The following NAALADL2 variants were observed in gnomAD, a reference collection of about 807,000 sequenced individuals.
NAALADL2 encodes inactive N-acetylated-alpha-linked acidic dipeptidase-like protein 2.
A neutral mutation model predicts 87.2 loss-of-function variants in NAALADL2; 76 were observed. The observed-to-expected ratio is 0.87, with a 90% CI of 0.72 to 1.05. The LOEUF (loss-of-function observed/expected upper bound fraction) is 1.05. Among genes scored for constraint, NAALADL2 ranks in the 50% least tolerant of loss-of-function variants. The pLI is 0.00. For missense variants in NAALADL2, 1,089 were observed against 945.8 expected, an observed-to-expected ratio of 1.15 and a Z score of -1.99; for synonymous variants, 354 against 331.0, an observed-to-expected ratio of 1.07 and a Z score of -0.75.
In NAALADL2 at chr3:174,455,843, T is replaced by A. The variant is rs113063483; in HGVS notation, c.-184+14811T>A. 5.3e-3 allele frequency among the ~76,000 whole-genome samples: 812 copies of A among 152,188 alleles called. 7 individuals carry two copies. Among genetic ancestry groups the A allele is most frequent in the East Asian group, 0.041 (211 of 5,160 alleles). ...AGGATGTTCTCTCTCACCACTCCTATTCAACATAGTATTGGAAGTCCTGGC... is the reference window on the plus strand; with the variant it reads ...AGGATGTTCTCTCTCACCACTCCTAATCAACATAGTATTGGAAGTCCTGGC... On this transcript the variant is annotated intron_variant, in intron 1 of 3. Coordinates refer to the NAALADL2 transcript ENST00000434257.
intron 2 of NAALADL2, among the ~76,000 whole-genome samples, chr3:174,698,300 T>C (rs1198330693): frequency 1.0e-5 from 1 of 95,708 alleles, no homozygotes; most frequent in Non-Finnish European, 1.7e-5. Context: ...GGTGGTAAAC[T>C]CTCATAGATT....
intron 1 of NAALADL2, among the ~76,000 whole-genome samples, chr3:174,469,075 G>A (rs192364377): frequency 2.0e-5 from 3 of 151,894 alleles, no homozygotes; most frequent in African/African-American, 7.2e-5. Flanking sequence ...ACTATATTCT[G>A]TGACCATTAT....
At chr3:175,434,107 T>C (rs942013581) in intron 5 of NAALADL2, among the ~76,000 whole-genome samples, 12 of 152,140 alleles carry the variant, frequency 7.9e-5, no homozygotes, top group African/African-American at 2.2e-4. Context: ...AGGGAATATA[T>C]TGAAATCTTT....
At chr3:175,670,040 G>A (rs1582839519) in intron 11 of NAALADL2, among the ~76,000 whole-genome samples, 2 of 151,876 alleles carry the variant, frequency 1.3e-5, no homozygotes, top group East Asian at 3.9e-4. Flanking sequence ...TGAATATCAG[G>A]AACTATTCAC....
Position 175,410,695 on chromosome 3 carries a change from A to G in NAALADL2, c.1091-36534A>G, listed in dbSNP as rs532198742. 3.3e-5 allele frequency among the ~76,000 whole-genome samples: 5 copies of G among 152,314 alleles called. No homozygotes were observed. The South Asian group carries it at 8.3e-4, about 25-fold the overall frequency. ...GCACATATAGCTGGTAGCCCAACCT[A>G]GACTTTTATGGGAAGTCAAAGTCAG... On this transcript the variant is annotated intron_variant, in intron 5 of 13. Coordinates refer to ENST00000454872, the MANE Select transcript of NAALADL2 (RefSeq NM_207015.3).
chr3:175,448,108 G>C (rs79046723), intron 6 of NAALADL2, among the ~76,000 whole-genome samples: 136 of 152,226 alleles, frequency 8.9e-4, no homozygotes, highest in African/African-American at 3.2e-3. Flanking sequence ...GACAACAAAA[G>C]CATACAAAAA....
intron 4 of NAALADL2, among the ~76,000 whole-genome samples, chr3:175,276,332 G>A (rs1157732694): frequency 2.3e-5 from 3 of 131,436 alleles, no homozygotes; most frequent in Non-Finnish European, 3.1e-5. Flanking sequence ...ACGAAGCCTC[G>A]CTCTGCTGCT....
chr3:175,561,123 TAG>T (rs1489480871), intron 9 of NAALADL2, among the ~76,000 whole-genome samples: 1 of 152,216 alleles, frequency 6.6e-6, no homozygotes, highest in Non-Finnish European at 1.5e-5. Context: ...AAAATTGATA[TAG>T]TATTATAAGT....
At chr3:175,449,518 C>G (rs187255821) in intron 6 of NAALADL2, among the ~76,000 whole-genome samples, 191 of 151,822 alleles carry the variant, frequency 1.3e-3, no homozygotes, top group African/African-American at 4.2e-3. Flanking sequence ...CTCAGCCTCC[C>G]AAGTAGCTGG....
chr3:175,325,001 G>A (rs552808467), intron 5 of NAALADL2, among the ~76,000 whole-genome samples: 53 of 151,882 alleles, frequency 3.5e-4, no homozygotes, highest in Middle Eastern at 3.2e-3. Context: ...TGTCATTGGC[G>A]GATATTCTGT....
At chr3:175,387,678 A>T (rs1170872790) in intron 5 of NAALADL2, among the ~76,000 whole-genome samples, 1 of 152,114 alleles carries the variant, frequency 6.6e-6, no homozygotes, top group Non-Finnish European at 1.5e-5. Context: ...ATACTAAAAG[A>T]ATGATTTGTG....
At chr3:174,889,541 C>G (rs191263572) in intron 1 of NAALADL2, among the ~76,000 whole-genome samples, 1 of 152,112 alleles carries the variant, frequency 6.6e-6, no homozygotes, top group East Asian at 1.9e-4. Context: ...CATTCCCCAT[C>G]CTCACTTCTC....
intron 2 of NAALADL2, among the ~76,000 whole-genome samples, chr3:175,111,617 G>C (rs1178475281): frequency 6.6e-6 from 1 of 151,628 alleles, no homozygotes; most frequent in African/African-American, 2.4e-5. Flanking sequence ...ATTTGCTCCT[G>C]AGTTAGTTGT....
intron 11 of NAALADL2, among the ~76,000 whole-genome samples, chr3:175,661,791 T>C (rs1290364215): frequency 6.6e-6 from 1 of 152,006 alleles, no homozygotes; most frequent in Admixed American, 6.6e-5. Flanking sequence ...TTGTCAAAGA[T>C]GAGTTAGGTG....
intron 1 of NAALADL2, among the ~76,000 whole-genome samples, chr3:175,047,030 C>T (rs1754768042): frequency 6.6e-6 from 1 of 152,068 alleles, no homozygotes; most frequent in Admixed American, 6.6e-5. Context: ...TTACTGTGTC[C>T]TCAGATGGTG....
Position 175,167,388 on chromosome 3 carries a change from T to G in NAALADL2, c.546-66543T>G, listed in dbSNP as rs1734155782. Among the ~76,000 whole-genome samples the G allele has an allele frequency of 2.0e-5, 3 of 152,004 alleles. No homozygotes were observed. In the East Asian group the frequency reaches 5.8e-4, roughly 29 times the overall value. On this transcript the variant is annotated intron_variant, in intron 2 of 13. Transcript: ENST00000454872. ...ACTTCTGACTACATATAAAAGAAAA[T>G]CCAAATGTGTGGCTTCCAAAGCAAT...
At chr3:175,314,120 C>A (rs547282367) in intron 4 of NAALADL2, among the ~76,000 whole-genome samples, 1 of 150,320 alleles carries the variant, frequency 6.7e-6, no homozygotes, top group East Asian at 2.0e-4. Context: ...TTCTCTCTTA[C>A]CTTCTCTGGC....
At chr3:175,684,324 C>T (rs1735987424) in intron 11 of NAALADL2, among the ~76,000 whole-genome samples, 1 of 152,022 alleles carries the variant, frequency 6.6e-6, no homozygotes, top group Non-Finnish European at 1.5e-5. Flanking sequence ...TATAGTTAAG[C>T]TATTTTTAAC....
intron 1 of NAALADL2, among the ~76,000 whole-genome samples, chr3:174,961,260 A>G (rs1262602176): frequency 4.0e-5 from 6 of 151,412 alleles, no homozygotes. Context: ...CACTGGGATT[A>G]CAGATGTGAG....
Sources: gnomAD v4.1 joint callset for allele counts (sites outside exome capture counted in the v4.1 genomes callset) on GRCh38, gnomAD v4.1.1 for gene constraint, MANE v1.5 for transcripts, NCBI Gene and HGNC (gene_info 2026-07-23, HGNC 2026-07-21) for gene names.